SLC2A5: variants seen among roughly 807,000 people sequenced by gnomAD.
SLC2A5 encodes the protein solute carrier family 2 member 5.
SLC2A5 carries 56 observed loss-of-function variants against 50.3 expected under a neutral mutation model. The ratio of observed to expected loss-of-function variants is 1.11; its 90% confidence interval spans 0.90 to 1.39. The LOEUF is 1.39. SLC2A5 is among the 40% of genes most tolerant of loss of function. The pLI is 0.00. For missense variants in SLC2A5, 566 were observed against 650.1 expected (o/e 0.87, Z 1.41); for synonymous variants, 269 against 281.9 (o/e 0.95, Z 0.46).
rs1389697209 is a variant in SLC2A5 at position 9,040,381 on chromosome 1, A to G, written c.572-192T>C. On this transcript the variant is annotated intron_variant, in intron 5 of 11. Coordinates refer to ENST00000377424, the MANE Select transcript of SLC2A5 (RefSeq NM_003039.3). This position sits in a 1 kb window ranked among gnomAD's most constrained non-coding sequence, Gnocchi z 4.3. ...ACACCTGCAGCAGGGATCAGCAGCGACGCACCCCTGCGCCCATCAGACAGA... is the reference window on the plus strand; with the variant it reads ...ACACCTGCAGCAGGGATCAGCAGCGGCGCACCCCTGCGCCCATCAGACAGA... 2 of 658,812 alleles carry G rather than the reference A, an allele frequency of 3.0e-6. No individual in the cohort carries two copies. The highest frequency in any genetic ancestry group is 1.9e-5 in the South Asian group (1 of 51,820). The allele number at this position is 658,812 out of a possible 1,614,324, so 40.8% of individuals were successfully genotyped here. A position where few individuals can be genotyped will look rare whatever the true frequency, so the allele number is the denominator to read the frequency against.
At position 9,063,272 on chromosome 1, in the gene SLC2A5, T is replaced by G. The variant is rs142392688; in HGVS notation, c.34-5022A>C. ...TGTGTAGAGACAGAGTCTCACTTTG[T>G]TGCCCAGGCTGGTCTCAATCCTCCT... is the stretch of plus-strand genomic sequence containing the variant. On this transcript the variant is annotated intron_variant, in intron 1 of 11. Transcript: ENST00000377424. Among the ~76,000 whole-genome samples, 636 of 152,322 alleles carry G rather than the reference T, an allele frequency of 4.2e-3. 6 individuals carry two copies. Among genetic ancestry groups the G allele is most frequent in the African/African-American group, 0.015 (619 of 41,576 alleles).
chr1:9,072,109 C>G (rs1642225265), upstream of SLC2A5: 1 of 152,692 alleles, frequency 6.5e-6, no homozygotes, highest in Admixed American at 6.5e-5. Flanking sequence ...CTGCTTCTGG[C>G]CAGGGACCCC....
intron 3 of SLC2A5, among the ~76,000 whole-genome samples, chr1:9,057,103 C>T (rs1210596314): frequency 6.6e-6 from 1 of 152,070 alleles, no homozygotes; most frequent in Non-Finnish European, 1.5e-5. Context: ...ACCAGCTTGA[C>T]CAACATGGTG....
intron 1 of SLC2A5, among the ~76,000 whole-genome samples, chr1:9,061,447 A>T (rs535707085): frequency 1.7e-4 from 21 of 124,862 alleles, no homozygotes; most frequent in African/African-American, 6.0e-4. Flanking sequence ...TACCAAAAAA[A>T]TTTTAAAAAT....
chr1:9,053,351 TTA>T (rs1491394007), intron 3 of SLC2A5, among the ~76,000 whole-genome samples: 2 of 66,712 alleles, frequency 3.0e-5, no homozygotes, highest in South Asian at 8.9e-4. Context: ...CTATATATAT[TTA>T]TATATATTAT....
rs938436192 is a variant in SLC2A5 at position 9,060,344 on chromosome 1, GC to G, written c.34-2095del. Among the ~76,000 whole-genome samples the G allele has an allele frequency of 2.5e-4, 22 of 89,024 alleles. No individual in the cohort carries two copies. The East Asian group carries it at 6.6e-3, about 27-fold the overall frequency. 58.4% of individuals were successfully genotyped at this position (89,024 alleles called of 152,430 possible). The stretch of plus-strand genomic sequence containing the variant: ...ACACTACATACACACAAGCACACAC[GC>G]CCCCCAAATGTACACACACTACATA... On this transcript the variant is annotated intron_variant, in intron 1 of 11. Coordinates refer to ENST00000377424, the MANE Select transcript of SLC2A5 (RefSeq NM_003039.3).
intron 4 of SLC2A5, among the ~76,000 whole-genome samples, chr1:9,046,665 CGT>C (rs55827239): frequency 0.45 from 66,711 of 146,938 alleles, 14,738 homozygotes; most frequent in East Asian, 0.51. Context: ...ACCTGGTTCT[CGT>C]GTGTGTGTGT....
chr1:9,077,034 G>A (rs545855783), intron 2 of SLC2A5, among the ~76,000 whole-genome samples: 11 of 151,030 alleles, frequency 7.3e-5, no homozygotes, highest in Non-Finnish European at 1.6e-4. Context: ...TGATCCGCTC[G>A]CCTCAGCCTC....
rs546258402 is a variant in SLC2A5, at chr1:9,049,461, C to T, written c.294-1727G>A. On this transcript the variant is annotated intron_variant, in intron 3 of 11. Coordinates refer to ENST00000377424, the MANE Select transcript of SLC2A5 (RefSeq NM_003039.3). ...CAAACAGGCCGGGCATGGTGGCTCA[C>T]GCCTGTAATCCCAGCACTTTGAGAG... Among the ~76,000 whole-genome samples, 36 of 152,252 alleles carry T rather than the reference C, an allele frequency of 2.4e-4. No homozygotes were observed. In the South Asian group the frequency reaches 4.1e-3, roughly 18 times the overall value.
chr1:9,089,943 T>C (rs541202516), upstream of SLC2A5, among the ~76,000 whole-genome samples: 15 of 152,284 alleles, frequency 9.9e-5, no homozygotes, highest in African/African-American at 3.4e-4. Flanking sequence ...TCCATTAATA[T>C]TACTTCCTTT....
upstream of SLC2A5, chr1:9,072,393 T>TA (rs35276984): frequency 0.53 from 79,957 of 151,216 alleles, 21,797 homozygotes; most frequent in East Asian, 0.62. Context: ...TCCCTAGAAA[T>TA]AAAAAAAATT....
upstream of SLC2A5, chr1:9,069,927 T>G (rs529306703): frequency 2.1e-4 from 36 of 173,346 alleles, no homozygotes; most frequent in Non-Finnish European, 3.6e-4. Context: ...TGACACCAGG[T>G]AATCTGAGGG....
rs370511555 is a variant in SLC2A5 at position 9,069,459 on chromosome 1, C to A, written c.33+45G>T. The A allele has an allele frequency of 4.3e-5, 69 of 1,607,844 alleles. No individual in the cohort carries two copies. In the African/African-American group the frequency reaches 8.4e-4, roughly 20 times the overall value. The stretch of plus-strand genomic sequence containing the variant: ...TCCAGGAAGGCTGCACAGGCCCTGG[C>A]AGCCAAGCCTGCTCTTGGCCCCTTT... On this transcript the variant is annotated intron_variant, in intron 1 of 11. Coordinates refer to ENST00000377424, the MANE Select transcript of SLC2A5 (RefSeq NM_003039.3).
upstream of SLC2A5, among the ~76,000 whole-genome samples, chr1:9,090,476 C>T (rs916595960): frequency 2.6e-5 from 4 of 152,256 alleles, no homozygotes; most frequent in African/African-American, 9.6e-5. Flanking sequence ...CCCATTCTTC[C>T]CACAATAATC....
chr1:9,039,608 C>T lies in SLC2A5; in HGVS notation c.940G>A (p.Val314Met), dbSNP rs959736823. ...CCGGTGCCGGCCGTCACGTACTGCA[C>T]GTGCTCCTCCGGCACGCCGGCGCTC... Reference protein sequence around the residue: ...YLSAGVPEEHVQYVTAGTGAV... With the variant: ...YLSAGVPEEHMQYVTAGTGAV... Residue 314 changes from valine (V) to methionine (M), a missense_variant, in exon 8 of 12, where the codon GTG becomes ATG. Coordinates refer to ENST00000377424, the MANE Select transcript of SLC2A5 (RefSeq NM_003039.3). 11 of 1,574,380 alleles carry T rather than the reference C, an allele frequency of 7.0e-6. No individual in the cohort carries two copies. The highest frequency in any genetic ancestry group is 3.3e-4 in the Middle Eastern group (2 of 6,022).
In SLC2A5 at chr1:9,039,903, C is replaced by T. The variant is rs1641253296; in HGVS notation, c.782G>A (p.Gly261Asp). Residue 261 changes from glycine to aspartate, a missense_variant, in exon 7 of 12, where the codon GGC (glycine) becomes GAC (aspartate). Physicochemically the swap from Gly to Asp is moderately conservative, Grantham distance 94. Transcript: ENST00000377424. ...GAACAGCTTCAGCACGGAGATGAAG[C>T]CCGCGGCCTTCTCTGCCTCATCCTC... Reference protein sequence around the residue: ...RQEDEAEKAAGFISVLKLFRM... With the variant: ...RQEDEAEKAADFISVLKLFRM... 6.2e-7 allele frequency: 1 copy of T among 1,612,778 alleles called. No homozygotes were observed. The highest frequency in any genetic ancestry group is 8.5e-7 in the Non-Finnish European group (1 of 1,179,882).
At chr1:9,051,652 C>T (rs1023052354) in intron 3 of SLC2A5, among the ~76,000 whole-genome samples, 2 of 152,180 alleles carry the variant, frequency 1.3e-5, no homozygotes, top group African/African-American at 4.8e-5. Context: ...GCTGGAGCAA[C>T]AGGAACCCTC....
At chr1:9,044,517 G>C (rs1641390588) in intron 4 of SLC2A5, among the ~76,000 whole-genome samples, 1 of 152,022 alleles carries the variant, frequency 6.6e-6, no homozygotes, top group Non-Finnish European at 1.5e-5. Context: ...TGAGCAATGT[G>C]GTTCTTGTTC....
At chr1:9,060,613 C>G (rs1168480394) in intron 1 of SLC2A5, among the ~76,000 whole-genome samples, 2 of 140,702 alleles carry the variant, frequency 1.4e-5, no homozygotes, top group African/African-American at 5.2e-5. Flanking sequence ...ATACACACAC[C>G]ACACACACCA....
Sources: gnomAD v4.1 joint callset for allele counts (sites outside exome capture counted in the v4.1 genomes callset) on GRCh38, gnomAD v4.1.1 for gene constraint, Gnocchi (gnomAD v3.1) non-coding constraint, MANE v1.5 for transcripts, NCBI Gene and HGNC (gene_info 2026-07-23, HGNC 2026-07-21) for gene names.